The following EYS variants were observed in gnomAD, a reference collection of about 807,000 sequenced individuals.
The protein encoded by EYS is protein eyes shut homolog.
In EYS, 250 loss-of-function variants were observed where a neutral mutation model predicts 282.1. The observed-to-expected ratio is 0.89, with a 90% confidence interval of 0.80 to 0.98. EYS has a LOEUF of 0.98. EYS is among the 50% of genes least tolerant of loss of function. The pLI is 0.00. For synonymous variants in EYS, 1,355 were observed against 1,282.9 expected, an observed-to-expected ratio of 1.06 and a Z score of -1.20; for missense variants, 4,016 against 3,709.0, an observed-to-expected ratio of 1.08 and a Z score of -2.15.
intron 5 of EYS, among the ~76,000 whole-genome samples, chr6:65,469,542 A>C (rs1765129955): frequency 6.6e-6 from 1 of 152,254 alleles, no homozygotes; most frequent in Non-Finnish European, 1.5e-5. Flanking sequence ...AAGAAAATGT[A>C]TACACCTTCA....
chr6:65,502,786 C>G (rs1175356269), intron 2 of EYS, among the ~76,000 whole-genome samples: 1 of 151,554 alleles, frequency 6.6e-6, no homozygotes, highest in Admixed American at 6.6e-5. Flanking sequence ...GATTTCTTTT[C>G]CATTGTTGTA....
chr6:65,394,232 G>A (rs183528967), intron 7 of EYS, among the ~76,000 whole-genome samples: 19 of 144,382 alleles, frequency 1.3e-4, no homozygotes, highest in Middle Eastern at 3.8e-3. Flanking sequence ...ATGTGCGCAC[G>A]TGTGTGTGTG....
chr6:64,058,375 AAG>A (rs1198966541), intron 33 of EYS, among the ~76,000 whole-genome samples: 1 of 152,218 alleles, frequency 6.6e-6, no homozygotes, highest in Non-Finnish European at 1.5e-5. Flanking sequence ...CTCTACCACT[AAG>A]AATAGGCTTC....
intron 12 of EYS, among the ~76,000 whole-genome samples, chr6:65,238,448 T>G (rs1390025183): frequency 6.6e-6 from 1 of 151,864 alleles, no homozygotes; most frequent in Admixed American, 6.6e-5. Flanking sequence ...GTTTGAATCC[T>G]AGGTTTGATT....
intron 2 of EYS, among the ~76,000 whole-genome samples, chr6:65,615,386 T>TTA (rs3049825): frequency 0.1 from 15,094 of 146,166 alleles, 1,634 homozygotes; most frequent in African/African-American, 0.26. Flanking sequence ...TTTTATTTAT[T>TTA]TATATATATA....
At chr6:64,284,679 C>A (rs1768432478) in intron 30 of EYS, among the ~76,000 whole-genome samples, 1 of 152,194 alleles carries the variant, frequency 6.6e-6, no homozygotes, top group African/African-American at 2.4e-5. Context: ...GGCATCCAGG[C>A]ATTTCCATAC....
chr6:65,035,394 G>A (rs72877840), intron 13 of EYS, among the ~76,000 whole-genome samples: 10,415 of 151,630 alleles, frequency 0.069, 453 homozygotes, highest in East Asian at 0.14. Flanking sequence ...CAAATAGGAA[G>A]AGAGGAAGTC....
chr6:63,998,194 A>G (rs1767921443), intron 34 of EYS, among the ~76,000 whole-genome samples: 1 of 152,160 alleles, frequency 6.6e-6, no homozygotes, highest in African/African-American at 2.4e-5. Flanking sequence ...GTCAAATAAG[A>G]TACTCAGCAT....
At chr6:65,227,799 A>C (rs1582040350) in intron 12 of EYS, among the ~76,000 whole-genome samples, 1 of 152,240 alleles carries the variant, frequency 6.6e-6, no homozygotes, top group East Asian at 1.9e-4. Flanking sequence ...ACATTATGCT[A>C]ATTGAAATAA....
chr6:64,000,292 T>C (rs1311414901), intron 33 of EYS, among the ~76,000 whole-genome samples: 10 of 146,246 alleles, frequency 6.8e-5, no homozygotes, highest in South Asian at 6.8e-4. Flanking sequence ...CCCGGGTTCA[T>C]GCCATTCTCC....
intron 26 of EYS, among the ~76,000 whole-genome samples, chr6:64,497,140 G>C (rs2150509502): frequency 6.6e-6 from 1 of 152,164 alleles, no homozygotes; most frequent in Non-Finnish European, 1.5e-5. Flanking sequence ...AAGTATAAAA[G>C]ACTTCAAAAT....
intron 31 of EYS, among the ~76,000 whole-genome samples, chr6:64,141,439 G>T (rs1774334498): frequency 6.6e-6 from 1 of 152,152 alleles, no homozygotes; most frequent in African/African-American, 2.4e-5. Context: ...TTTTAATACT[G>T]CAGATGATTG....
chr6:64,723,822 C>A (rs759935526), intron 22 of EYS, among the ~76,000 whole-genome samples: 1 of 152,108 alleles, frequency 6.6e-6, no homozygotes. Flanking sequence ...CACAGCCTCA[C>A]CCTGTTAACT....
At chr6:65,087,038 G>C (rs1774401331) in intron 12 of EYS, among the ~76,000 whole-genome samples, 1 of 152,042 alleles carries the variant, frequency 6.6e-6, no homozygotes, top group South Asian at 2.1e-4. Context: ...GGCCAGAACA[G>C]TCTCAATCTC....
chr6:64,282,743 T>C (rs888260025), intron 30 of EYS, among the ~76,000 whole-genome samples: 1 of 152,318 alleles, frequency 6.6e-6, no homozygotes, highest in East Asian at 1.9e-4. Context: ...TGCTATCTTA[T>C]GCCTGAACTA....
chr6:65,067,049 C>A (rs1217983206), intron 12 of EYS, among the ~76,000 whole-genome samples: 1 of 152,048 alleles, frequency 6.6e-6, no homozygotes, highest in Non-Finnish European at 1.5e-5. Flanking sequence ...AATATACTTT[C>A]AAGAATTAAG....
At chr6:64,177,529 G>A (rs1009164777) in intron 31 of EYS, among the ~76,000 whole-genome samples, 1 of 151,872 alleles carries the variant, frequency 6.6e-6, no homozygotes, top group Non-Finnish European at 1.5e-5. Flanking sequence ...ATATGAATAT[G>A]CATGACATAT....
chr6:63,964,463 A>G (rs1766213696), intron 35 of EYS, among the ~76,000 whole-genome samples: 1 of 152,220 alleles, frequency 6.6e-6, no homozygotes, highest in African/African-American at 2.4e-5. Flanking sequence ...AGAAACAAAA[A>G]ACAACCACAA....
intron 2 of EYS, among the ~76,000 whole-genome samples, chr6:65,553,846 A>T (rs757547206): frequency 2.2e-4 from 33 of 152,092 alleles, no homozygotes; most frequent in Non-Finnish European, 4.0e-4. Context: ...TTATTATTAC[A>T]TACTCATATT....
Sources: gnomAD v4.1 joint callset for allele counts (sites outside exome capture counted in the v4.1 genomes callset) on GRCh38, gnomAD v4.1.1 for gene constraint, MANE v1.5 for transcripts, NCBI Gene and HGNC (gene_info 2026-07-23, HGNC 2026-07-21) for gene names.